Variants in KCNIP4 observed in about 807,000 individuals in gnomAD.
The protein encoded by KCNIP4 is Kv channel-interacting protein 4.
Under a neutral mutation model 34.0 loss-of-function variants are expected in KCNIP4, and 12 were observed. That is an observed-to-expected ratio of 0.35 (90% confidence interval 0.23 to 0.57). The LOEUF (loss-of-function observed/expected upper bound fraction) is 0.57. KCNIP4 is among the 20% of genes least tolerant of loss of function. The probability of loss-of-function intolerance (pLI) is 0.83; values close to 1 mark genes in which losing one functional copy is unlikely to be tolerated. For synonymous variants in KCNIP4, 124 were observed against 102.2 expected (o/e 1.21, Z -1.29); for missense variants, 238 against 311.7 (o/e 0.76, Z 1.78).
At chr4:21,121,681 G>GAGA (rs747263196) in intron 1 of KCNIP4, among the ~76,000 whole-genome samples, 86 of 152,290 alleles carry the variant, frequency 5.6e-4, no homozygotes, top group Non-Finnish European at 9.0e-4. Flanking sequence ...TCATGTAAAG[G>GAGA]AGAAGTAAGT....
At chr4:21,294,710 A>G (rs1338152267) in intron 1 of KCNIP4, among the ~76,000 whole-genome samples, 1 of 152,192 alleles carries the variant, frequency 6.6e-6, no homozygotes, top group African/African-American at 2.4e-5. Context: ...ATTTCTAACA[A>G]GTCAATTAAC....
chr4:20,971,466 C>T (rs769644444), intron 1 of KCNIP4, among the ~76,000 whole-genome samples: 7 of 149,314 alleles, frequency 4.7e-5, no homozygotes, highest in Non-Finnish European at 3.0e-5. Flanking sequence ...ATATCACAAT[C>T]AAGCAAACCA....
At chr4:21,019,984 G>A (rs1739895248) in intron 1 of KCNIP4, among the ~76,000 whole-genome samples, 2 of 152,044 alleles carry the variant, frequency 1.3e-5, no homozygotes, top group South Asian at 4.2e-4. Flanking sequence ...TAGTTAAGAG[G>A]CACATTTGGC....
At chr4:20,776,399 C>T (rs549383421) in intron 3 of KCNIP4, among the ~76,000 whole-genome samples, 70 of 152,222 alleles carry the variant, frequency 4.6e-4, no homozygotes, top group African/African-American at 1.4e-3. Flanking sequence ...GCTCTACTTT[C>T]GGTTTCTTGT....
chr4:21,432,488 T>C (rs1726580517), intron 1 of KCNIP4, among the ~76,000 whole-genome samples: 1 of 152,054 alleles, frequency 6.6e-6, no homozygotes, highest in East Asian at 1.9e-4. Flanking sequence ...AATTATGATG[T>C]TCAACAGTCC....
intron 1 of KCNIP4, among the ~76,000 whole-genome samples, chr4:21,686,796 T>C (rs1052481115): frequency 6.6e-6 from 1 of 152,162 alleles, no homozygotes; most frequent in Non-Finnish European, 1.5e-5. Context: ...GGTCAAATGG[T>C]ATTTCTAGTA....
chr4:21,491,158 A>G (rs1388227062), intron 1 of KCNIP4, among the ~76,000 whole-genome samples: 3 of 152,124 alleles, frequency 2.0e-5, no homozygotes. Flanking sequence ...CTCCCTCCTG[A>G]GAACATGTCA....
At chr4:21,862,468 T>C (rs933728900) in intron 1 of KCNIP4, among the ~76,000 whole-genome samples, 4 of 152,152 alleles carry the variant, frequency 2.6e-5, no homozygotes, top group Non-Finnish European at 4.4e-5. Flanking sequence ...TGATGGTAAC[T>C]GCCACAAAGA....
chr4:21,468,381 T>C (rs993984978), intron 1 of KCNIP4, among the ~76,000 whole-genome samples: 1 of 152,160 alleles, frequency 6.6e-6, no homozygotes, highest in Admixed American at 6.5e-5. Context: ...ACTGCCTCGG[T>C]ACCGGAGCAC....
At chr4:21,494,901 A>AT (rs1215853920) in intron 1 of KCNIP4, among the ~76,000 whole-genome samples, 1 of 152,204 alleles carries the variant, frequency 6.6e-6, no homozygotes, top group Non-Finnish European at 1.5e-5. Flanking sequence ...ATTAATCACA[A>AT]TTCAAAATTA....
At chr4:21,592,914 T>G (rs1468809674) in intron 1 of KCNIP4, among the ~76,000 whole-genome samples, 1 of 152,090 alleles carries the variant, frequency 6.6e-6, no homozygotes, top group Non-Finnish European at 1.5e-5. Flanking sequence ...TCAAAGAGCA[T>G]GAGGCTCTCA....
At chr4:21,478,666 C>T (rs17465022) in intron 1 of KCNIP4, among the ~76,000 whole-genome samples, 19,005 of 152,104 alleles carry the variant, frequency 0.12, 1,350 homozygotes, top group South Asian at 0.21. Context: ...ATGTCTCATT[C>T]CCTTTTAGAT....
chr4:20,829,472 G>T (rs949706161), intron 3 of KCNIP4, among the ~76,000 whole-genome samples: 1 of 152,142 alleles, frequency 6.6e-6, no homozygotes, highest in Non-Finnish European at 1.5e-5. Flanking sequence ...CTCCCAAAGT[G>T]TTGGGATTAC....
At chr4:21,853,674 G>A (rs954483376) in intron 1 of KCNIP4, among the ~76,000 whole-genome samples, 3 of 152,122 alleles carry the variant, frequency 2.0e-5, no homozygotes, top group African/African-American at 4.8e-5. Flanking sequence ...ATCAGAATCT[G>A]ACCAGAATCA....
chr4:21,663,616 CTTG>C (rs1748616323), intron 1 of KCNIP4, among the ~76,000 whole-genome samples: 2 of 152,178 alleles, frequency 1.3e-5, no homozygotes, highest in South Asian at 2.1e-4. Flanking sequence ...CCTGACCTTG[CTTG>C]TTCTAAGGCC....
chr4:21,259,940 T>C (rs529287062), intron 1 of KCNIP4, among the ~76,000 whole-genome samples: 161 of 146,944 alleles, frequency 1.1e-3, no homozygotes, highest in African/African-American at 3.8e-3. Flanking sequence ...CTTATGTGCA[T>C]TGTGCAATGT....
chr4:21,736,692 C>T (rs537663094), intron 1 of KCNIP4, among the ~76,000 whole-genome samples: 8 of 152,258 alleles, frequency 5.3e-5, no homozygotes, highest in African/African-American at 1.2e-4. Flanking sequence ...TGTATTTTTA[C>T]GAGCACTTTG....
intron 1 of KCNIP4, among the ~76,000 whole-genome samples, chr4:21,639,919 T>G (rs1030796169): frequency 2.6e-5 from 4 of 152,186 alleles, no homozygotes; most frequent in Admixed American, 2.0e-4. Context: ...CACAGTGACA[T>G]GCTTGTATCT....
At chr4:21,360,196 T>G (rs2109403689) in intron 1 of KCNIP4, among the ~76,000 whole-genome samples, 1 of 152,266 alleles carries the variant, frequency 6.6e-6, no homozygotes, top group South Asian at 2.1e-4. Flanking sequence ...TAGAAAATGC[T>G]AATAAAAATA....
Sources: allele counts gnomAD v4.1 joint callset (sites outside exome capture counted in the v4.1 genomes callset), GRCh38; gene constraint gnomAD v4.1.1; transcripts MANE v1.5; gene names NCBI Gene and HGNC (gene_info 2026-07-23, HGNC 2026-07-21).